Variants in MAST4 observed in about 807,000 individuals in gnomAD.
MAST4 encodes the protein microtubule associated serine/threonine kinase family member 4.
Under a neutral mutation model 162.7 loss-of-function variants are expected in MAST4, and 89 were observed. The observed-to-expected ratio is 0.55, with a 90% CI of 0.46 to 0.65. MAST4 has a LOEUF of 0.65. MAST4 is among the 30% of genes least tolerant of loss of function. The pLI, the probability that MAST4 is intolerant of heterozygous loss-of-function variation, is 0.00. For missense variants in MAST4, 3,153 were observed against 3,374.0 expected, an observed-to-expected ratio of 0.93 and a Z score of 1.62; for synonymous variants, 1,479 against 1,361.1, an observed-to-expected ratio of 1.09 and a Z score of -1.91.
At chr5:66,650,722 C>G (rs1177645400) in intron 1 of MAST4, among the ~76,000 whole-genome samples, 1 of 152,158 alleles carries the variant, frequency 6.6e-6, no homozygotes, top group Non-Finnish European at 1.5e-5. Context: ...ACATGGAATA[C>G]TCTAATACAG....
intron 3 of MAST4, among the ~76,000 whole-genome samples, chr5:66,852,516 C>T (rs867761373): frequency 2.0e-5 from 3 of 152,150 alleles, no homozygotes; most frequent in Non-Finnish European, 2.9e-5. Context: ...GACACCGTAA[C>T]GCTTGTCTGT....
chr5:66,657,725 C>T (rs6884710), intron 1 of MAST4, among the ~76,000 whole-genome samples: 75,682 of 151,968 alleles, frequency 0.5, 19,227 homozygotes, highest in South Asian at 0.66. Flanking sequence ...TTTCTTCCTA[C>T]TTTGCTGCCT....
At chr5:66,893,396 G>T (rs1175127647) in intron 3 of MAST4, among the ~76,000 whole-genome samples, 4 of 151,226 alleles carry the variant, frequency 2.6e-5, no homozygotes, top group Non-Finnish European at 4.4e-5. Flanking sequence ...GTGTGTGTGT[G>T]TGTCTTTTTT....
At chr5:66,717,731 C>G (rs1003129313) in intron 1 of MAST4, among the ~76,000 whole-genome samples, 6 of 152,212 alleles carry the variant, frequency 3.9e-5, no homozygotes, top group Non-Finnish European at 8.8e-5. Context: ...GTTGTTCCCC[C>G]ACCCCTTGGC....
chr5:67,107,478 C>A (rs1195037595), intron 10 of MAST4, among the ~76,000 whole-genome samples: 1 of 152,214 alleles, frequency 6.6e-6, no homozygotes, highest in Non-Finnish European at 1.5e-5. Flanking sequence ...GAGCTTCCTT[C>A]AGCCCTTTTG....
At chr5:67,157,065 C>T (rs548615757) in intron 26 of MAST4, among the ~76,000 whole-genome samples, 1 of 152,342 alleles carries the variant, frequency 6.6e-6, no homozygotes, top group African/African-American at 2.4e-5. Context: ...TTCTTCTATA[C>T]AAGGTCAGTC....
At chr5:66,851,684 A>T (rs1759323542) in intron 3 of MAST4, among the ~76,000 whole-genome samples, 2 of 152,146 alleles carry the variant, frequency 1.3e-5, no homozygotes, top group Admixed American at 1.3e-4. Flanking sequence ...ATATCAGTGG[A>T]TTACTATAGT....
At chr5:66,742,857 G>C (rs899280691) in intron 1 of MAST4, among the ~76,000 whole-genome samples, 1 of 152,178 alleles carries the variant, frequency 6.6e-6, no homozygotes, top group African/African-American at 2.4e-5. Context: ...CAGCTAATCA[G>C]AATTCAGAGT....
chr5:66,857,837 C>T (rs943639204), intron 3 of MAST4, among the ~76,000 whole-genome samples: 1 of 152,098 alleles, frequency 6.6e-6, no homozygotes, highest in South Asian at 2.1e-4. Flanking sequence ...AGTAGAGGAC[C>T]GAATTTTAAT....
chr5:66,793,766 A>T (rs1179713940), intron 3 of MAST4, among the ~76,000 whole-genome samples: 1 of 152,084 alleles, frequency 6.6e-6, no homozygotes, highest in Non-Finnish European at 1.5e-5. Flanking sequence ...CATTCTTCCC[A>T]TTGAGGTTTT....
chr5:67,084,005 C>A (rs1762956874), intron 5 of MAST4, among the ~76,000 whole-genome samples: 1 of 152,166 alleles, frequency 6.6e-6, no homozygotes, highest in Non-Finnish European at 1.5e-5. Flanking sequence ...CTAAAACATT[C>A]TCAAGAACCC....
At chr5:67,083,078 G>A (rs1443996506) in intron 5 of MAST4, among the ~76,000 whole-genome samples, 1 of 152,126 alleles carries the variant, frequency 6.6e-6, no homozygotes, top group Non-Finnish European at 1.5e-5. Flanking sequence ...AATATCTACA[G>A]GCCAAGAGTT....
chr5:67,076,779 T>G (rs1334914806), intron 5 of MAST4, among the ~76,000 whole-genome samples: 1 of 152,182 alleles, frequency 6.6e-6, no homozygotes, highest in East Asian at 1.9e-4. Context: ...ATGTAAAACA[T>G]TTCATGGTTC....
chr5:66,807,502 C>CA (rs57438295), intron 3 of MAST4, among the ~76,000 whole-genome samples: 3,351 of 129,082 alleles, frequency 0.026, 89 homozygotes, highest in African/African-American at 0.078. Context: ...GACTCCGTCT[C>CA]AAAAAAAAAA....
intron 4 of MAST4, among the ~76,000 whole-genome samples, chr5:66,985,945 G>A (rs1289980158): frequency 1.3e-5 from 2 of 152,190 alleles, no homozygotes; most frequent in African/African-American, 4.8e-5. Flanking sequence ...AGACAGCACA[G>A]TGTGTAGAAC....
intron 4 of MAST4, among the ~76,000 whole-genome samples, chr5:66,956,949 C>T (rs1189844470): frequency 6.6e-6 from 1 of 152,074 alleles, no homozygotes; most frequent in Non-Finnish European, 1.5e-5. Context: ...AGAATGGTGG[C>T]ATTCTGGATA....
chr5:66,768,323 A>G (rs1328575615), intron 2 of MAST4, among the ~76,000 whole-genome samples: 1 of 152,178 alleles, frequency 6.6e-6, no homozygotes, highest in African/African-American at 2.4e-5. Context: ...TGGGTATCCA[A>G]AGCAAATGTG....
At chr5:66,909,367 A>G (rs759724228) in intron 4 of MAST4, among the ~76,000 whole-genome samples, 1 of 152,212 alleles carries the variant, frequency 6.6e-6, no homozygotes, top group Non-Finnish European at 1.5e-5. Context: ...ATCTCTTCTC[A>G]GCAGGGTAAT....
At chr5:66,802,650 GTC>G (rs1755977775) in intron 3 of MAST4, among the ~76,000 whole-genome samples, 1 of 152,102 alleles carries the variant, frequency 6.6e-6, no homozygotes, top group South Asian at 2.1e-4. Flanking sequence ...TAGTGTGAGT[GTC>G]TCTCTTCTAA....
Sources: gnomAD v4.1 joint callset for allele counts (sites outside exome capture counted in the v4.1 genomes callset) on GRCh38, gnomAD v4.1.1 for gene constraint, MANE v1.5 for transcripts, NCBI Gene and HGNC (gene_info 2026-07-23, HGNC 2026-07-21) for gene names.